Variants in PRKDC observed in about 807,000 individuals in gnomAD.
PRKDC encodes the protein protein kinase, DNA-activated, catalytic subunit, also known as DNA-dependent protein kinase catalytic subunit.
Under a neutral mutation model 486.9 loss-of-function variants are expected in PRKDC, and 82 were observed. The observed-to-expected ratio is 0.17, with a 90% CI of 0.14 to 0.20. PRKDC has a LOEUF of 0.20. Among genes scored for constraint, PRKDC ranks in the 10% least tolerant of loss-of-function variants. The pLI is 1.00. For synonymous variants in PRKDC, 1,895 were observed against 1,837.0 expected, an observed-to-expected ratio of 1.03 and a Z score of -0.81; for missense variants, 4,504 against 5,038.2, an observed-to-expected ratio of 0.89 and a Z score of 3.21.
chr8:47,943,066 T>G, intron 10 of PRKDC, 143 bp downstream of exon 10: 1 of 1,075,318 alleles, frequency 9.3e-7, no homozygotes, highest in Non-Finnish European at 1.3e-6. Flanking sequence ...CCCATATGGC[T>G]GGCTGATCAA....
chr8:47,856,663 T>C (rs1248860930), intron 49 of PRKDC, among the ~76,000 whole-genome samples: 3 of 152,220 alleles, frequency 2.0e-5, no homozygotes, highest in Non-Finnish European at 4.4e-5. Flanking sequence ...TCTACACTGG[T>C]GGGTACTGCA....
chr8:47,833,093 T>C (rs2087926645), intron 59 of PRKDC, among the ~76,000 whole-genome samples: 1 of 152,164 alleles, frequency 6.6e-6, no homozygotes, highest in South Asian at 2.1e-4. Context: ...AGCACCCAGG[T>C]GGCTCCACCT....
At chr8:47,890,695 C>G (rs191409267) in intron 31 of PRKDC, among the ~76,000 whole-genome samples, 293 of 152,074 alleles carry the variant, frequency 1.9e-3, no homozygotes, top group African/African-American at 6.9e-3. Context: ...GTCTTTATTC[C>G]CAAACATTAC....
At chr8:47,956,545 A>T (rs1424990571) in intron 3 of PRKDC, among the ~76,000 whole-genome samples, 1 of 151,584 alleles carries the variant, frequency 6.6e-6, no homozygotes, top group Non-Finnish European at 1.5e-5. Context: ...AAAAAAAAAA[A>T]ATACAAAAAT....
chr8:47,928,621 C>T lies in PRKDC; in HGVS notation c.2139+471G>A, dbSNP rs184885998. Among the ~76,000 whole-genome samples, 456 of 151,724 alleles carry T rather than the reference C, an allele frequency of 3.0e-3. 1 individual carries two copies. Among genetic ancestry groups the T allele is most frequent in the Non-Finnish European group, 5.4e-3 (366 of 67,884 alleles). ...AGGCTGGAGTGCAGTGGCACTATCT[C>T]GGCTCACTGCAACCTCCATCTCCCG... On this transcript the variant is annotated intron_variant, in intron 19 of 85. Transcript: ENST00000314191.
At chr8:47,959,860 T>C in intron 1 of PRKDC, 113 bp downstream of exon 1, 1 of 1,453,390 alleles carries the variant, frequency 6.9e-7, no homozygotes, top group Non-Finnish European at 9.1e-7. Context: ...AGAATCTAAT[T>C]GCTGTACTTC....
At chr8:47,869,938 G>T (rs952077506) in intron 40 of PRKDC, among the ~76,000 whole-genome samples, 1 of 152,066 alleles carries the variant, frequency 6.6e-6, no homozygotes, top group African/African-American at 2.4e-5. Flanking sequence ...CACAGGCAGA[G>T]ACTTCTTTAT....
chr8:47,865,977 G>A (rs1195077196), intron 40 of PRKDC, among the ~76,000 whole-genome samples: 2 of 151,906 alleles, frequency 1.3e-5, no homozygotes, highest in East Asian at 1.9e-4. Flanking sequence ...CCAACATGGC[G>A]AAACCCCGTC....
rs539609356 is a variant in PRKDC at position 47,955,259 on chromosome 8, G to A, written c.399+615C>T. On this transcript the variant is annotated intron_variant, in intron 4 of 85. Coordinates refer to ENST00000314191, the MANE Select transcript of PRKDC (RefSeq NM_006904.7). ...GGGCGGATCACGAGGTCAGGAGATC[G>A]AGACCATCCCGGCTAAAACGGTGAA... is the stretch of plus-strand genomic sequence containing the variant. Among the ~76,000 whole-genome samples the A allele has an allele frequency of 1.1e-4, 16 of 151,368 alleles. No homozygotes were observed. The East Asian group carries it at 2.5e-3, about 24-fold the overall frequency.
intron 10 of PRKDC, among the ~76,000 whole-genome samples, chr8:47,941,129 CAA>C (rs758700972): frequency 3.0e-5 from 2 of 67,634 alleles, no homozygotes; most frequent in Non-Finnish European, 5.9e-5. Flanking sequence ...AACTCCATCT[CAA>C]AAAAAAAAAA....
chr8:47,937,277 T>A lies in PRKDC; in HGVS notation c.1114-760A>T, dbSNP rs536902344. Among the ~76,000 whole-genome samples the A allele has an allele frequency of 2.0e-4, 31 of 152,152 alleles. 1 individual carries two copies. Among genetic ancestry groups the A allele is most frequent in the African/African-American group, 6.5e-4 (27 of 41,544 alleles). ...CCACCTCAAAAAATAAATAAATAAA[T>A]AAAATATATCTCATTATAAAGATGC... On this transcript the variant is annotated intron_variant, in intron 11 of 85. Transcript: ENST00000314191.
intron 62 of PRKDC, among the ~76,000 whole-genome samples, chr8:47,827,425 A>G (rs1264408658): frequency 6.6e-6 from 1 of 152,242 alleles, no homozygotes; most frequent in African/African-American, 2.4e-5. Flanking sequence ...TATATAATCC[A>G]TACTTTGAAT....
chr8:47,832,309 G>A (rs565843354), intron 59 of PRKDC, among the ~76,000 whole-genome samples: 101 of 152,304 alleles, frequency 6.6e-4, no homozygotes, highest in African/African-American at 2.0e-3. Context: ...ACAGGTGACC[G>A]CAACACTCCT....
chr8:47,934,073 A>C lies in PRKDC; in HGVS notation c.1515T>G (p.Ser505=), dbSNP rs775272734. The C allele has an allele frequency of 1.9e-6, 3 of 1,613,562 alleles. No individual in the cohort carries two copies. The highest frequency in any genetic ancestry group is 4.5e-5 in the East Asian group (2 of 44,878). The change falls in exon 15 of 86, where the codon TCT becomes TCG. Residue 505 remains serine, a synonymous_variant. Coordinates refer to ENST00000314191, the MANE Select transcript of PRKDC (RefSeq NM_006904.7). ...VVLPKGPESE[S]EDHRASGEVR... is the part of the protein sequence containing the mutation. ...CTTCCCCTGAAGCACGGTGGTCTTCAGATTCAGACTCAGGGCCCTGGCCAG... is the reference window on the plus strand; with the variant it reads ...CTTCCCCTGAAGCACGGTGGTCTTCCGATTCAGACTCAGGGCCCTGGCCAG...
intron 68 of PRKDC, among the ~76,000 whole-genome samples, chr8:47,812,718 G>T (rs1554628431): frequency 6.6e-6 from 1 of 151,464 alleles, no homozygotes; most frequent in Admixed American, 6.6e-5. Flanking sequence ...AAGAGGAAAA[G>T]AAAAAAATAG....
Position 47,888,510 on chromosome 8 carries a change from A to C in PRKDC, c.4413+8T>G. On this transcript the variant is annotated splice_region_variant and intron_variant, in intron 34 of 85. Transcript: ENST00000314191. The stretch of plus-strand genomic sequence containing the variant: ...AAAATAAATGTAAAAACAATAAGTT[A>C]TAGTTACCTGAGACGGTAATATATT... The C allele has an allele frequency of 2.0e-6, 3 of 1,519,516 alleles. No homozygotes were observed. The highest frequency in any genetic ancestry group is 2.7e-6 in the Non-Finnish European group (3 of 1,130,082). The allele number at this position is 1,519,516 out of a possible 1,614,324, so 94.1% of individuals were successfully genotyped here.
At position 47,822,586 on chromosome 8, in the gene PRKDC, C is replaced by A. The variant is rs564823473; in HGVS notation, c.8923-794G>T. On this transcript the variant is annotated intron_variant, in intron 64 of 85. Coordinates refer to ENST00000314191, the MANE Select transcript of PRKDC (RefSeq NM_006904.7). ...CGGGCGGATCACAAGGTCAGGAGAT[C>A]GAGACCATCCTGGCTAACACGGTGA... Among the ~76,000 whole-genome samples the A allele has an allele frequency of 5.4e-4, 82 of 152,090 alleles. 1 individual carries two copies. Among genetic ancestry groups the A allele is most frequent in the Admixed American group, 5.4e-3 (82 of 15,278 alleles).
chr8:47,915,290 T>C, intron 23 of PRKDC, 38 bp downstream of exon 23: 1 of 1,220,318 alleles, frequency 8.2e-7, no homozygotes, highest in Non-Finnish European at 1.1e-6. Flanking sequence ...AAAGCACAAA[T>C]ATATCTACAG....
intron 59 of PRKDC, among the ~76,000 whole-genome samples, chr8:47,832,905 G>A (rs1563757690): frequency 6.6e-6 from 1 of 152,238 alleles, no homozygotes; most frequent in Non-Finnish European, 1.5e-5. Context: ...CATCCACAGA[G>A]AAAAGACCCA....
Sources: allele counts gnomAD v4.1 joint callset (sites outside exome capture counted in the v4.1 genomes callset), GRCh38; gene constraint gnomAD v4.1.1; transcripts MANE v1.5; gene names NCBI Gene and HGNC (gene_info 2026-07-23, HGNC 2026-07-21).